KCNMA1: variants seen among roughly 807,000 people sequenced by gnomAD.
KCNMA1 encodes the protein Calcium-activated potassium channel subunit alpha-1.
KCNMA1 carries 29 observed loss-of-function variants against 140.0 expected under a neutral mutation model. The observed-to-expected ratio is 0.21, with a 90% CI of 0.15 to 0.28. KCNMA1 has a LOEUF of 0.28. KCNMA1 is among the 10% of genes least tolerant of loss of function. KCNMA1 has a pLI of 1.00. For missense variants in KCNMA1, 880 were observed against 1,602.2 expected (o/e 0.55, Z 7.70); for synonymous variants, 612 against 611.9 (o/e 1.00, Z 0.00).
chr10:77,204,735 C>T (rs780631420), intron 3 of KCNMA1, among the ~76,000 whole-genome samples: 3 of 152,090 alleles, frequency 2.0e-5, no homozygotes, highest in Non-Finnish European at 4.4e-5. Context: ...ATGATAGTTC[C>T]CCTTAAGTGC....
chr10:77,102,037 T>C (rs911889885), intron 9 of KCNMA1, among the ~76,000 whole-genome samples: 1 of 152,150 alleles, frequency 6.6e-6, no homozygotes, highest in Non-Finnish European at 1.5e-5. Context: ...AATAGTACGA[T>C]GTGTAGCTCA....
At chr10:77,141,341 C>A (rs2098164999) in intron 5 of KCNMA1, among the ~76,000 whole-genome samples, 2 of 152,158 alleles carry the variant, frequency 1.3e-5, no homozygotes, top group African/African-American at 4.8e-5. Context: ...GGTTGAAGCC[C>A]AAACCCCAAT....
intron 18 of KCNMA1, among the ~76,000 whole-genome samples, chr10:77,010,121 C>T (rs1304208487): frequency 6.6e-6 from 1 of 152,168 alleles, no homozygotes; most frequent in African/African-American, 2.4e-5. Flanking sequence ...TGGCAAATAT[C>T]CTGTCAGGGG....
At chr10:76,946,647 C>T (rs2064056780) in intron 22 of KCNMA1, among the ~76,000 whole-genome samples, 1 of 152,192 alleles carries the variant, frequency 6.6e-6, no homozygotes, top group Non-Finnish European at 1.5e-5. Flanking sequence ...GCCCTCTTCT[C>T]CTGTGATCTC....
intron 1 of KCNMA1, among the ~76,000 whole-genome samples, chr10:77,431,720 G>A (rs1176684496): frequency 3.4e-5 from 5 of 147,360 alleles, no homozygotes; most frequent in East Asian, 2.0e-4. Flanking sequence ...AAAAAAGGCC[G>A]GGAGCGGTGG....
chr10:77,371,064 T>C (rs2094669527), intron 2 of KCNMA1, among the ~76,000 whole-genome samples: 1 of 152,122 alleles, frequency 6.6e-6, no homozygotes, highest in South Asian at 2.1e-4. Context: ...CTTCCTCTCA[T>C]CAGAAATACA....
intron 14 of KCNMA1, among the ~76,000 whole-genome samples, chr10:77,063,377 G>A (rs984716560): frequency 7.2e-5 from 11 of 152,130 alleles, no homozygotes; most frequent in East Asian, 5.8e-4. Flanking sequence ...AGAGGTGGGC[G>A]GAGGTTGCAG....
chr10:77,575,193 C>A (rs993870920), intron 1 of KCNMA1, among the ~76,000 whole-genome samples: 1 of 152,292 alleles, frequency 6.6e-6, no homozygotes, highest in Middle Eastern at 3.4e-3. Flanking sequence ...ACAGCCCCAC[C>A]GTTCCAATGC....
chr10:76,973,177 A>G (rs1293923388), intron 19 of KCNMA1: 1 of 152,166 alleles, frequency 6.6e-6, no homozygotes, highest in African/African-American at 2.4e-5. Flanking sequence ...ACTTGCCTTC[A>G]TGCTGCGGAA....
intron 25 of KCNMA1, among the ~76,000 whole-genome samples, chr10:76,905,843 C>T (rs2047615728): frequency 2.6e-5 from 4 of 152,216 alleles, no homozygotes; most frequent in African/African-American, 9.6e-5. Context: ...CTTCATCCTT[C>T]TTTTTTACAA....
intron 23 of KCNMA1, 27 bp downstream of exon 23, chr10:76,944,746 C>A: frequency 3.1e-6 from 5 of 1,607,144 alleles, no homozygotes; most frequent in African/African-American, 1.3e-5. Flanking sequence ...GCAGGCACAG[C>A]AAAGAAGTAT....
intron 23 of KCNMA1, among the ~76,000 whole-genome samples, chr10:76,928,221 T>G (rs568524323): frequency 6.6e-6 from 1 of 151,652 alleles, no homozygotes; most frequent in South Asian, 2.1e-4. Flanking sequence ...CTACGGGACT[T>G]AAATAAGCAC....
intron 1 of KCNMA1, among the ~76,000 whole-genome samples, chr10:77,588,740 C>CA (rs2078052065): frequency 6.6e-6 from 1 of 152,216 alleles, no homozygotes. Flanking sequence ...ACAAAGTGGC[C>CA]AAACAGCAAG....
chr10:76,916,245 C>G (rs2052842170), intron 23 of KCNMA1, among the ~76,000 whole-genome samples: 1 of 152,072 alleles, frequency 6.6e-6, no homozygotes, highest in Non-Finnish European at 1.5e-5. Flanking sequence ...TATGTGGACA[C>G]AGGAAAATTG....
chr10:77,348,036 G>A (rs544824816), intron 2 of KCNMA1, among the ~76,000 whole-genome samples: 39 of 152,272 alleles, frequency 2.6e-4, no homozygotes, highest in Admixed American at 9.1e-4. Context: ...TTATTGAAAG[G>A]ATTGGTCAAT....
chr10:77,370,994 A>C (rs776467551), intron 2 of KCNMA1, among the ~76,000 whole-genome samples: 5 of 152,158 alleles, frequency 3.3e-5, no homozygotes, highest in Admixed American at 6.5e-5. Flanking sequence ...TTGCACAACA[A>C]CACCATATGA....
chr10:76,956,763 G>A (rs1244191474), intron 20 of KCNMA1, among the ~76,000 whole-genome samples: 5 of 152,160 alleles, frequency 3.3e-5, no homozygotes, highest in Admixed American at 2.6e-4. Context: ...GGTGATACAA[G>A]AATACCAAGA....
At chr10:77,221,081 G>A (rs560074399) in intron 3 of KCNMA1, among the ~76,000 whole-genome samples, 1 of 152,336 alleles carries the variant, frequency 6.6e-6, no homozygotes, top group South Asian at 2.1e-4. Context: ...AGTGAATGGT[G>A]CGTTAGCCAA....
intron 9 of KCNMA1, among the ~76,000 whole-genome samples, chr10:77,102,310 C>T (rs2097118230): frequency 6.6e-6 from 1 of 152,180 alleles, no homozygotes; most frequent in African/African-American, 2.4e-5. Context: ...GTGGACAAGA[C>T]ATGAGTGTGG....
Sources: allele counts gnomAD v4.1 joint callset (sites outside exome capture counted in the v4.1 genomes callset), GRCh38; gene constraint gnomAD v4.1.1; transcripts MANE v1.5; gene names NCBI Gene and HGNC (gene_info 2026-07-23, HGNC 2026-07-21).